Variants in HTRA4 observed in about 807,000 individuals in gnomAD.
The protein encoded by HTRA4 is serine protease HTRA4.
HTRA4 carries 46 observed loss-of-function variants against 49.1 expected under a neutral mutation model. The observed-to-expected ratio is 0.94, with a 90% CI of 0.74 to 1.20. The LOEUF is 1.20. Ranked by LOEUF, HTRA4 falls within the 50% of genes most tolerant of loss-of-function variation. HTRA4 has a pLI of 0.00. For missense variants in HTRA4, 602 were observed against 636.9 expected, an observed-to-expected ratio of 0.95 and a Z score of 0.59; for synonymous variants, 261 against 264.0, an observed-to-expected ratio of 0.99 and a Z score of 0.11.
At position 38,974,426 on chromosome 8, in the gene HTRA4, T is replaced by A. The variant is rs1184287253; in HGVS notation, c.163T>A (p.Cys55Ser). 1 of 1,550,052 alleles carries A rather than the reference T, an allele frequency of 6.5e-7. No homozygotes were observed. Among genetic ancestry groups the A allele is most frequent in the Non-Finnish European group, 8.7e-7 (1 of 1,150,882 alleles). Residue 55 changes from cysteine (C) to serine (S), a missense_variant, in exon 1 of 9, where the codon TGC becomes AGC. Cys to Ser is a moderately radical substitution (Grantham distance 112). Coordinates refer to ENST00000302495, the MANE Select transcript of HTRA4 (RefSeq NM_153692.4). Reference sequence around the variant, plus strand: ...CACGCGCTGCCCCGCGCTGCCCACCTGCGCGCTGGGGACCACGCCGGTGTT... The same window carrying A: ...CACGCGCTGCCCCGCGCTGCCCACCAGCGCGCTGGGGACCACGCCGGTGTT... The part of the protein sequence containing the change: ...QPTRCPALPT[C>S]ALGTTPVFDL...
chr8:38,980,657 G>T (rs1320314411), intron 5 of HTRA4, among the ~76,000 whole-genome samples: 2 of 151,630 alleles, frequency 1.3e-5, no homozygotes, highest in Non-Finnish European at 2.9e-5. Context: ...AGAATCGCTT[G>T]AACCCGGGAG....
rs1369039367 is a variant in HTRA4 at position 38,974,503 on chromosome 8, C to A, written c.240C>A (p.Cys80Ter). The A allele has an allele frequency of 2.7e-5, 41 of 1,491,408 alleles. No homozygotes were observed. The highest frequency in any genetic ancestry group is 3.5e-5 in the Non-Finnish European group (39 of 1,130,230). 92.4% of individuals were successfully genotyped at this position (1,491,408 alleles called of 1,614,324 possible). ...GCCCCGCGGCCGAGCGTGAAGTCTG[C>A]GGCGGGGCGCAGGGCCAACCGTGCG... ...RVCPAAEREVCGGAQGQPCAP... is the reference protein window; with the variant it reads ...RVCPAAEREV The change falls in exon 1 of 9, where the codon TGC becomes TGA. Residue 80 changes from cysteine (C) to a stop codon, truncating the protein, a stop_gained. Transcript: ENST00000302495. LOFTEE classifies it high-confidence loss of function.
chr8:38,987,815 C>CGTTT, intron 8 of HTRA4, 121 bp from the exon 9 acceptor site: 1 of 807,092 alleles, frequency 1.2e-6, no homozygotes, highest in South Asian at 2.7e-5. Flanking sequence ...GCTATTTTCT[C>CGTTT]GTTTGTATGC....
At chr8:38,983,481 A>G (rs1295433881) in intron 8 of HTRA4, among the ~76,000 whole-genome samples, 1 of 152,072 alleles carries the variant, frequency 6.6e-6, no homozygotes, top group African/African-American at 2.4e-5. Context: ...AGCTGAGATC[A>G]CGCCACTGTA....
chr8:38,975,572 C>T (rs1265697160), intron 2 of HTRA4, among the ~76,000 whole-genome samples: 1 of 152,122 alleles, frequency 6.6e-6, no homozygotes, highest in Non-Finnish European at 1.5e-5. Flanking sequence ...CCATACCCAG[C>T]TAATATTTGT....
chr8:38,978,374 G>C (rs1246974437), intron 4 of HTRA4, among the ~76,000 whole-genome samples: 1 of 152,208 alleles, frequency 6.6e-6, no homozygotes, highest in East Asian at 1.9e-4. Flanking sequence ...GTTCCTTATA[G>C]AATCTAACTC....
chr8:38,976,402 AAG>A, intron 2 of HTRA4, 131 bp from the exon 3 acceptor site: 2 of 873,554 alleles, frequency 2.3e-6, no homozygotes, highest in Non-Finnish European at 3.5e-6. Flanking sequence ...TGTCTCAAAA[AAG>A]AAAAAAGAAA....
chr8:38,981,878 T>C, intron 6 of HTRA4, 111 bp downstream of exon 6: 1 of 751,288 alleles, frequency 1.3e-6, no homozygotes, highest in Non-Finnish European at 2.2e-6. Context: ...AGACAGAATT[T>C]TGCTCGTCAT....
chr8:38,981,782 G>GA lies in HTRA4; in HGVS notation c.1114+16dup, dbSNP rs1564179765. ...CCAGATGAAAGGTAAAGCAAGTTGG[G>GA]ATTTTTTTTTTTTTGGTTTCGTCTT... On this transcript the variant is annotated intron_variant, in intron 6 of 8. Coordinates refer to ENST00000302495, the MANE Select transcript of HTRA4 (RefSeq NM_153692.4). The GA allele has an allele frequency of 3.2e-6, 5 of 1,562,064 alleles. No individual in the cohort carries two copies. The highest frequency in any genetic ancestry group is 4.4e-6 in the Non-Finnish European group (5 of 1,137,510).
chr8:38,979,089 C>A, intron 4 of HTRA4, 126 bp from the exon 5 acceptor site: 1 of 830,502 alleles, frequency 1.2e-6, no homozygotes, highest in Non-Finnish European at 2.1e-6. Context: ...CACAATTTTG[C>A]CGGCCTGGGG....
In HTRA4 at chr8:38,976,763, G is replaced by C. The variant is rs747131253; in HGVS notation, c.771+24G>C. Reference sequence around the variant, plus strand: ...ATGTGAGTATTTCAGGGCTGAGTCAGAGTCTACATATTTGGGGATTTTTAT... The same window carrying C: ...ATGTGAGTATTTCAGGGCTGAGTCACAGTCTACATATTTGGGGATTTTTAT... On this transcript the variant is annotated intron_variant, in intron 3 of 8. Transcript: ENST00000302495. 3 of 1,611,492 alleles carry C rather than the reference G, an allele frequency of 1.9e-6. No homozygotes were observed. In the African/African-American group the frequency reaches 4.0e-5, roughly 22 times the overall value.
chr8:38,983,835 G>C (rs1404880289), intron 8 of HTRA4, among the ~76,000 whole-genome samples: 1 of 151,794 alleles, frequency 6.6e-6, no homozygotes, highest in African/African-American at 2.4e-5. Flanking sequence ...GGAGGGAGGT[G>C]GTTCTCTATA....
In HTRA4 at chr8:38,982,516, A is replaced by C. The variant is rs560757151; in HGVS notation, c.1133A>C (p.Lys378Thr). The C allele has an allele frequency of 5.6e-6, 9 of 1,614,150 alleles. No individual in the cohort carries two copies. The East Asian group carries it at 2.0e-4, about 36-fold the overall frequency. Residue 378 changes from lysine (K) to threonine (T), a missense_variant, in exon 7 of 9, where the codon AAG (lysine) becomes ACG (threonine). Transcript: ENST00000302495. ...HQMKGKAFSN[K>T]KYLGLQMLSL... ...TTTCCAGGAAAGGCGTTTTCAAATA[A>C]GAAATATCTGGGTCTGCAAATGCTG...
chr8:38,974,995 C>A (rs1303475964), intron 1 of HTRA4, 36 bp from the exon 2 acceptor site: 1 of 1,608,746 alleles, frequency 6.2e-7, no homozygotes, highest in Non-Finnish European at 8.5e-7. Flanking sequence ...GTCTGGTTCC[C>A]TCGAGGCGTA....
chr8:38,987,439 C>G (rs930022414), intron 8 of HTRA4, among the ~76,000 whole-genome samples: 2 of 135,690 alleles, frequency 1.5e-5, no homozygotes, highest in East Asian at 4.2e-4. Flanking sequence ...TAATGCAGCT[C>G]AGCATCCTTC....
intron 4 of HTRA4, 66 bp downstream of exon 4, chr8:38,978,213 T>C: frequency 7.2e-7 from 1 of 1,390,422 alleles, no homozygotes; most frequent in Non-Finnish European, 9.8e-7. Flanking sequence ...CATGGCCTGT[T>C]AGGAACTGGG....
chr8:38,981,680 T>C lies in HTRA4; in HGVS notation c.1027T>C (p.Leu343=), dbSNP rs760803668. The C allele has an allele frequency of 1.4e-5, 22 of 1,613,552 alleles. No homozygotes were observed. Among genetic ancestry groups the C allele is most frequent in the Non-Finnish European group, 1.9e-5 (22 of 1,179,876 alleles). Reference sequence around the variant, plus strand: ...TGGTGATGTGATTGGCGTCAATTCATTGAGGGTGACTGATGGAATCTCCTT... The same window carrying C: ...TGGTGATGTGATTGGCGTCAATTCACTGAGGGTGACTGATGGAATCTCCTT... The part of the protein sequence containing the change: ...LDGDVIGVNS[L]RVTDGISFAI... The change falls in exon 6 of 9, where the codon TTG becomes CTG. Residue 343 remains leucine, a synonymous_variant. Transcript: ENST00000302495.
rs1468984963 is a variant in HTRA4, at chr8:38,986,528, C to T, written c.1269-1408C>T. ...AGGTGATCCACACGCCTGTGGCTCC[C>T]AAAGTGCTGGGATTACAGTGTGAGC... is the stretch of plus-strand genomic sequence containing the variant. On this transcript the variant is annotated intron_variant, in intron 8 of 8. Coordinates refer to ENST00000302495, the MANE Select transcript of HTRA4 (RefSeq NM_153692.4). Among the ~76,000 whole-genome samples, 4 of 152,166 alleles carry T rather than the reference C, an allele frequency of 2.6e-5. No individual in the cohort carries two copies. The East Asian group carries it at 7.7e-4, about 29-fold the overall frequency.
At chr8:38,987,220 T>C (rs1446108082) in intron 8 of HTRA4, among the ~76,000 whole-genome samples, 2 of 152,214 alleles carry the variant, frequency 1.3e-5, no homozygotes, top group African/African-American at 4.8e-5. Context: ...CAGCCTATTT[T>C]CACCAAATCA....
Sources: gnomAD v4.1 joint callset for allele counts (sites outside exome capture counted in the v4.1 genomes callset) on GRCh38, gnomAD v4.1.1 for gene constraint, MANE v1.5 for transcripts, NCBI Gene and HGNC (gene_info 2026-07-23, HGNC 2026-07-21) for gene names.